RB1: variants seen among roughly 807,000 people sequenced by gnomAD.
The protein encoded by RB1 is retinoblastoma-associated protein.
A neutral mutation model predicts 135.4 loss-of-function variants in RB1; 18 were observed. That is an observed-to-expected ratio of 0.13 (90% CI 0.09 to 0.20). The LOEUF (loss-of-function observed/expected upper bound fraction) is 0.20, where lower values mean the gene tolerates loss of function less well. Ranked by LOEUF, RB1 falls within the 10% of genes least tolerant of loss-of-function variation. The probability of loss-of-function intolerance (pLI) is 1.00; values close to 1 mark genes in which losing one functional copy is unlikely to be tolerated. For synonymous variants in RB1, 365 were observed against 373.2 expected (o/e 0.98, Z 0.25); for missense variants, 868 against 1,110.0 (o/e 0.78, Z 3.10).
At chr13:48,433,219 T>G (rs1219427321) in intron 17 of RB1, among the ~76,000 whole-genome samples, 1 of 152,152 alleles carries the variant, frequency 6.6e-6, no homozygotes, top group Non-Finnish European at 1.5e-5. Context: ...GACGTTAATT[T>G]TTTTTTCAAA....
chr13:48,475,286 G>A (rs1248887628), intron 24 of RB1, among the ~76,000 whole-genome samples: 2 of 152,194 alleles, frequency 1.3e-5, no homozygotes, highest in African/African-American at 4.8e-5. Flanking sequence ...CCATTTCTGT[G>A]GGTCAATAAT....
intron 2 of RB1, among the ~76,000 whole-genome samples, chr13:48,323,373 T>A (rs1016345577): frequency 6.6e-5 from 10 of 152,080 alleles, no homozygotes; most frequent in Non-Finnish European, 1.0e-4. Context: ...AATTTTTTTT[T>A]ATTTCATTCC....
chr13:48,421,773 A>G (rs1328059384), intron 17 of RB1, among the ~76,000 whole-genome samples: 3 of 152,262 alleles, frequency 2.0e-5, no homozygotes, highest in African/African-American at 7.2e-5. Context: ...ACAAAAGCTC[A>G]TCATCAGCGG....
At chr13:48,395,398 A>T (rs1229439679) in intron 17 of RB1, among the ~76,000 whole-genome samples, 1 of 152,154 alleles carries the variant, frequency 6.6e-6, no homozygotes, top group Non-Finnish European at 1.5e-5. Context: ...TGACAGAAGT[A>T]GGCTTCAGAA....
Position 48,319,945 on chromosome 13 carries a change from C to A in RB1, c.264+12539C>A. The A allele has an allele frequency of 5.8e-6, 2 of 345,176 alleles. No individual in the cohort carries two copies. The highest frequency in any genetic ancestry group is 7.3e-5 in the South Asian group (2 of 27,502). 21.4% of individuals were successfully genotyped at this position (345,176 alleles called of 1,614,324 possible). On this transcript the variant is annotated intron_variant, in intron 2 of 26. Transcript: ENST00000267163. This position sits in a 1 kb window ranked among gnomAD's most constrained non-coding sequence, Gnocchi z 5.0. ...AAGTTTTGGGGGGACACACGGAAGT[C>A]GGGGCACTGCCGTGAGATAGTTCTG...
intron 17 of RB1, among the ~76,000 whole-genome samples, chr13:48,398,510 C>T (rs1948665698): frequency 6.6e-6 from 1 of 151,712 alleles, no homozygotes. Context: ...TTGATAGAGT[C>T]CTGTAATTTT....
At chr13:48,407,713 A>C (rs1391800491) in intron 17 of RB1, among the ~76,000 whole-genome samples, 1 of 152,174 alleles carries the variant, frequency 6.6e-6, no homozygotes, top group Non-Finnish European at 1.5e-5. Flanking sequence ...ATTTCTTAGA[A>C]GCCATGTTAT....
At position 48,369,006 on chromosome 13, in the gene RB1, C is replaced by CA. The variant is rs981414332; in HGVS notation, c.1127+412dup. Among the ~76,000 whole-genome samples the CA allele has an allele frequency of 1.5e-4, 22 of 146,982 alleles. No homozygotes were observed. The South Asian group carries it at 2.4e-3, about 16-fold the overall frequency. On this transcript the variant is annotated intron_variant, in intron 11 of 26. Coordinates refer to ENST00000267163, the MANE Select transcript of RB1 (RefSeq NM_000321.3). ...GGGTGACAAGAGCGAAACTCCGTCT[C>CA]AAAAAAAAAATGTGTATATATAATC...
At chr13:48,396,987 A>G (rs1187936708) in intron 17 of RB1, among the ~76,000 whole-genome samples, 1 of 152,232 alleles carries the variant, frequency 6.6e-6, no homozygotes, top group African/African-American at 2.4e-5. Context: ...TTAAAAAGTC[A>G]GGAAACAACA....
At chr13:48,375,890 T>A (rs1390624409) in intron 12 of RB1, among the ~76,000 whole-genome samples, 3 of 152,032 alleles carry the variant, frequency 2.0e-5, no homozygotes, top group African/African-American at 7.2e-5. Context: ...TAATCTTAAT[T>A]TTAGAAACTT....
At chr13:48,432,565 G>A (rs1466564995) in intron 17 of RB1, among the ~76,000 whole-genome samples, 1 of 151,796 alleles carries the variant, frequency 6.6e-6, no homozygotes, top group Non-Finnish European at 1.5e-5. Context: ...TCACCATTCG[G>A]TGATTAGGTT....
At chr13:48,324,459 G>A (rs769657091) in intron 2 of RB1, among the ~76,000 whole-genome samples, 1 of 146,652 alleles carries the variant, frequency 6.8e-6, no homozygotes, top group Non-Finnish European at 1.5e-5. Flanking sequence ...GCTCTTGCTT[G>A]TAAGTGAGAA....
chr13:48,457,559 G>T (rs547039848), intron 19 of RB1, among the ~76,000 whole-genome samples: 46 of 152,328 alleles, frequency 3.0e-4, no homozygotes, highest in African/African-American at 1.1e-3. Context: ...TCCCTGGCCT[G>T]AAGGTGGGGC....
rs140015060 is a variant in RB1, at chr13:48,456,596, C to A, written c.1960+247C>A. On this transcript the variant is annotated intron_variant, in intron 19 of 26. Transcript: ENST00000267163. ...TTGATCAATTTTTGCTCAGGCCCAC[C>A]GGGCTCATTTCAGCCCCTTGGTCTG... is the stretch of plus-strand genomic sequence containing the variant. 4.6e-5 allele frequency among the ~76,000 whole-genome samples: 7 copies of A among 152,340 alleles called. No homozygotes were observed. In the East Asian group the frequency reaches 9.6e-4, roughly 21 times the overall value.
intron 24 of RB1, among the ~76,000 whole-genome samples, chr13:48,475,171 A>G (rs1298595455): frequency 6.6e-6 from 1 of 152,202 alleles, no homozygotes; most frequent in Non-Finnish European, 1.5e-5. Flanking sequence ...GCACCTGGCC[A>G]GAGAGCTTAT....
In RB1 at chr13:48,403,621, A is replaced by G. The variant is rs376297130; in HGVS notation, c.1695+22178A>G. On this transcript the variant is annotated intron_variant, in intron 17 of 26. Coordinates refer to ENST00000267163, the MANE Select transcript of RB1 (RefSeq NM_000321.3). ...AGGTTTTCTAAAGTGCTGTTTGGCA[A>G]TGGTCCTCAAACTTGAGCATGCATC... 3.3e-5 allele frequency among the ~76,000 whole-genome samples: 5 copies of G among 152,250 alleles called. No individual in the cohort carries two copies. The East Asian group carries it at 7.7e-4, about 24-fold the overall frequency.
chr13:48,462,955 T>C (rs1015454666), intron 20 of RB1, among the ~76,000 whole-genome samples: 1 of 152,212 alleles, frequency 6.6e-6, no homozygotes, highest in African/African-American at 2.4e-5. Flanking sequence ...TAAGCTATTC[T>C]TATGTCAGGA....
intron 2 of RB1, chr13:48,340,873 C>A (rs1952437112): frequency 6.5e-6 from 1 of 153,850 alleles, no homozygotes; most frequent in African/African-American, 2.4e-5. Flanking sequence ...TACTTTGTAT[C>A]TTCAATTTCA....
intron 17 of RB1, chr13:48,411,160 A>G (rs1281619101): frequency 4.8e-6 from 2 of 414,878 alleles, no homozygotes; most frequent in Non-Finnish European, 8.7e-6. Flanking sequence ...ATTTTTTTTA[A>G]TGAAGGAACA....
Sources: allele counts gnomAD v4.1 joint callset (sites outside exome capture counted in the v4.1 genomes callset), GRCh38; gene constraint gnomAD v4.1.1; non-coding constraint Gnocchi (gnomAD v3.1); transcripts MANE v1.5; gene names NCBI Gene and HGNC (gene_info 2026-07-23, HGNC 2026-07-21).